The following KCTD16 variants were observed in gnomAD, a reference collection of about 807,000 sequenced individuals.
KCTD16 encodes BTB/POZ domain-containing protein KCTD16.
Under a neutral mutation model 33.2 loss-of-function variants are expected in KCTD16, and 13 were observed. That is an observed-to-expected ratio of 0.39 (90% CI 0.25 to 0.62). The LOEUF (loss-of-function observed/expected upper bound fraction) is 0.62. Ranked by LOEUF, KCTD16 falls within the 20% of genes least tolerant of loss-of-function variation. The pLI is 0.50. For synonymous variants in KCTD16, 197 were observed against 195.3 expected, an observed-to-expected ratio of 1.01 and a Z score of -0.07; for missense variants, 441 against 525.1, an observed-to-expected ratio of 0.84 and a Z score of 1.57.
chr5:144,357,055 G>T (rs17101828), intron 3 of KCTD16, among the ~76,000 whole-genome samples: 7 of 151,720 alleles, frequency 4.6e-5, no homozygotes, highest in African/African-American at 1.7e-4. Context: ...GTATCCCTTG[G>T]CCCTTTGAAC....
rs540596885 is a variant in KCTD16, at chr5:144,485,504, T to C, written c.*11390T>C. 2.0e-5 allele frequency: 3 copies of C among 152,038 alleles called. No homozygotes were observed. The highest frequency in any genetic ancestry group is 1.3e-4 in the Admixed American group (2 of 15,244). The allele number at this position is 152,038 out of a possible 1,614,324, so 9.4% of individuals were successfully genotyped here. On this transcript the variant is annotated 3_prime_UTR_variant, in exon 4 of 4. Coordinates refer to ENST00000512467, the MANE Select transcript of KCTD16 (RefSeq NM_020768.4). ...GTGCAGTATCAGTATTGTAAAATTG[T>C]ATGGTGAAAACTACAAAAGTCATTC...
At chr5:144,223,616 A>G (rs538004672) in intron 3 of KCTD16, among the ~76,000 whole-genome samples, 1 of 152,064 alleles carries the variant, frequency 6.6e-6, no homozygotes, top group East Asian at 1.9e-4. Flanking sequence ...TGTAAACTGC[A>G]ATGCTGGATG....
chr5:144,382,292 C>A (rs73303963), intron 3 of KCTD16, among the ~76,000 whole-genome samples: 1 of 152,036 alleles, frequency 6.6e-6, no homozygotes, highest in Non-Finnish European at 1.5e-5. Flanking sequence ...TTAGTCACTT[C>A]CTGGGTGACT....
chr5:144,369,692 G>A (rs1751923177), intron 3 of KCTD16, among the ~76,000 whole-genome samples: 1 of 152,136 alleles, frequency 6.6e-6, no homozygotes, highest in Admixed American at 6.6e-5. Flanking sequence ...TTTAAAAGAT[G>A]TTAGGGATTT....
At chr5:144,313,496 C>A (rs1213459566) in intron 3 of KCTD16, among the ~76,000 whole-genome samples, 1 of 152,142 alleles carries the variant, frequency 6.6e-6, no homozygotes, top group Non-Finnish European at 1.5e-5. Context: ...GTTTTGTTAT[C>A]AGAGAGTAGA....
chr5:144,400,463 A>G lies in KCTD16; in HGVS notation c.833-73197A>G, dbSNP rs188388851. The stretch of plus-strand genomic sequence containing the variant: ...CTCACACCAGATGAACCCTCATGCA[A>G]CACATCAACATTTATTTAGTGTTAT... On this transcript the variant is annotated intron_variant, in intron 3 of 3. Transcript: ENST00000512467. Among the ~76,000 whole-genome samples the G allele has an allele frequency of 1.2e-4, 19 of 152,290 alleles. 1 individual carries two copies. In the East Asian group the frequency reaches 2.9e-3, roughly 23 times the overall value.
chr5:144,381,003 C>T lies in KCTD16; in HGVS notation c.833-92657C>T, dbSNP rs143848554. Among the ~76,000 whole-genome samples, 691 of 152,158 alleles carry T rather than the reference C, an allele frequency of 4.5e-3. 3 individuals are homozygous for T. Among genetic ancestry groups the T allele is most frequent in the African/African-American group, 0.016 (666 of 41,512 alleles). On this transcript the variant is annotated intron_variant, in intron 3 of 3. Coordinates refer to ENST00000512467, the MANE Select transcript of KCTD16 (RefSeq NM_020768.4). ...TCTGCACAGCAAAAGAAACTATCAA[C>T]AGAGTAAACAGACAACCTATAGAAT...
chr5:144,237,897 G>C (rs1754296948), intron 3 of KCTD16, among the ~76,000 whole-genome samples: 1 of 151,798 alleles, frequency 6.6e-6, no homozygotes, highest in African/African-American at 2.4e-5. Flanking sequence ...ATATTGAAGT[G>C]TGTGGAAGAG....
At chr5:144,341,671 A>ATTT (rs1561573663) in intron 3 of KCTD16, among the ~76,000 whole-genome samples, 1 of 152,200 alleles carries the variant, frequency 6.6e-6, no homozygotes, top group Non-Finnish European at 1.5e-5. Context: ...CAACTGGTTG[A>ATTT]TTCAATGCAT....
intron 2 of KCTD16, among the ~76,000 whole-genome samples, chr5:144,180,319 G>A (rs1030864663): frequency 3.3e-5 from 5 of 152,182 alleles, no homozygotes; most frequent in Admixed American, 2.6e-4. Flanking sequence ...AAGGGGGAGT[G>A]GATCCATGCC....
chr5:144,252,440 C>G (rs1025764595), intron 3 of KCTD16, among the ~76,000 whole-genome samples: 1 of 152,012 alleles, frequency 6.6e-6, no homozygotes, highest in African/African-American at 2.4e-5. Flanking sequence ...ACTTTTCTTT[C>G]GATGCAAACA....
chr5:144,364,232 C>T (rs1257529077), intron 3 of KCTD16, among the ~76,000 whole-genome samples: 1 of 152,104 alleles, frequency 6.6e-6, no homozygotes, highest in Non-Finnish European at 1.5e-5. Context: ...TCTGGTGGCA[C>T]GGTCAAGCTT....
rs1053112809 is a variant in KCTD16, at chr5:144,418,115, G to A, written c.833-55545G>A. Among the ~76,000 whole-genome samples the A allele has an allele frequency of 5.3e-5, 8 of 152,238 alleles. No individual in the cohort carries two copies. The South Asian group carries it at 8.3e-4, about 16-fold the overall frequency. On this transcript the variant is annotated intron_variant, in intron 3 of 3. Coordinates refer to ENST00000512467, the MANE Select transcript of KCTD16 (RefSeq NM_020768.4). ...GTTGTTCGTTCCTCCTGGTGGGTTG[G>A]TAGGTTCTCCTGCCCTCACTGGCTT...
intron 2 of KCTD16, among the ~76,000 whole-genome samples, chr5:144,192,704 A>G (rs1485956657): frequency 1.3e-5 from 2 of 152,178 alleles, no homozygotes; most frequent in Non-Finnish European, 2.9e-5. Context: ...TCACATATCA[A>G]AAACCAGCAC....
At chr5:144,466,028 G>A (rs967960740) in intron 3 of KCTD16, among the ~76,000 whole-genome samples, 6 of 151,748 alleles carry the variant, frequency 4.0e-5, no homozygotes, top group South Asian at 2.1e-4. Flanking sequence ...TAGTAGAGAC[G>A]GGATTTCACC....
chr5:144,321,314 T>C (rs561152976), intron 3 of KCTD16, among the ~76,000 whole-genome samples: 63 of 152,306 alleles, frequency 4.1e-4, no homozygotes, highest in African/African-American at 1.5e-3. Context: ...CCTAGGGTGT[T>C]AAAAATGTGT....
At chr5:144,282,242 A>G (rs1455228779) in intron 3 of KCTD16, among the ~76,000 whole-genome samples, 1 of 152,174 alleles carries the variant, frequency 6.6e-6, no homozygotes, top group African/African-American at 2.4e-5. Flanking sequence ...TGGAGCCTCT[A>G]TAAAACCCAA....
chr5:144,410,917 A>T (rs1484872430), intron 3 of KCTD16, among the ~76,000 whole-genome samples: 2 of 152,200 alleles, frequency 1.3e-5, no homozygotes. Flanking sequence ...TACCCTCTCA[A>T]ATTCATATGT....
chr5:144,295,667 A>C (rs1428677522), intron 3 of KCTD16, among the ~76,000 whole-genome samples: 1 of 152,230 alleles, frequency 6.6e-6, no homozygotes, highest in Non-Finnish European at 1.5e-5. Context: ...ATTACCTTAC[A>C]TGGCAAAGGA....
Sources: allele counts gnomAD v4.1 joint callset (sites outside exome capture counted in the v4.1 genomes callset), GRCh38; gene constraint gnomAD v4.1.1; transcripts MANE v1.5; gene names NCBI Gene and HGNC (gene_info 2026-07-23, HGNC 2026-07-21).